Variants in ZNF804B observed in about 807,000 individuals in gnomAD.
ZNF804B encodes zinc finger 804B.
A neutral mutation model predicts 101.4 loss-of-function variants in ZNF804B; 80 were observed. The ratio of observed to expected loss-of-function variants is 0.79; its 90% CI spans 0.66 to 0.95. ZNF804B has a LOEUF of 0.95. ZNF804B is among the 40% of genes least tolerant of loss of function. The pLI is 0.00. For missense variants in ZNF804B, 1,673 were observed against 1,561.9 expected, an observed-to-expected ratio of 1.07 and a Z score of -1.20; for synonymous variants, 622 against 558.8, an observed-to-expected ratio of 1.11 and a Z score of -1.59.
chr7:88,974,992 T>C (rs2116119748), intron 1 of ZNF804B, among the ~76,000 whole-genome samples: 1 of 151,596 alleles, frequency 6.6e-6, no homozygotes, highest in South Asian at 2.1e-4. Flanking sequence ...TCTATTGTTT[T>C]AATTTTTAGC....
intron 2 of ZNF804B, among the ~76,000 whole-genome samples, chr7:89,243,569 G>A (rs10244005): frequency 0.041 from 6,145 of 151,630 alleles, 132 homozygotes; most frequent in Non-Finnish European, 0.049. Flanking sequence ...TCCTTTATCT[G>A]GTAACCCTAC....
At chr7:89,280,285 A>G (rs1368528389) in intron 2 of ZNF804B, among the ~76,000 whole-genome samples, 1 of 151,606 alleles carries the variant, frequency 6.6e-6, no homozygotes, top group Non-Finnish European at 1.5e-5. Flanking sequence ...TTATAGCACT[A>G]AATGTCCACA....
intron 1 of ZNF804B, among the ~76,000 whole-genome samples, chr7:89,166,288 C>A (rs531847473): frequency 2.0e-5 from 3 of 152,084 alleles, no homozygotes; most frequent in African/African-American, 7.2e-5. Flanking sequence ...GCACCAAACC[C>A]CTGCACAGTC....
intron 1 of ZNF804B, among the ~76,000 whole-genome samples, chr7:89,014,805 G>C (rs753758231): frequency 6.6e-6 from 1 of 151,956 alleles, no homozygotes; most frequent in South Asian, 2.1e-4. Context: ...TCATAGGTTG[G>C]CTTTCCACTC....
chr7:88,933,839 A>G (rs1260833929), intron 1 of ZNF804B, among the ~76,000 whole-genome samples: 1 of 152,004 alleles, frequency 6.6e-6, no homozygotes, highest in African/African-American at 2.4e-5. Context: ...CATACTGCCA[A>G]AATCAACCTA....
chr7:89,007,446 T>TTATATACA (rs1554353995), intron 1 of ZNF804B, among the ~76,000 whole-genome samples: 1 of 57,202 alleles, frequency 1.7e-5, no homozygotes, highest in East Asian at 8.0e-4. Context: ...ATCCATGATT[T>TTATATACA]TATATATATA....
chr7:88,805,740 T>C (rs1037409292), intron 1 of ZNF804B, among the ~76,000 whole-genome samples: 1 of 152,168 alleles, frequency 6.6e-6, no homozygotes, highest in African/African-American at 2.4e-5. Context: ...ATGGGAAGTA[T>C]AGGCACCTGT....
intron 1 of ZNF804B, among the ~76,000 whole-genome samples, chr7:89,150,108 G>A (rs1790850578): frequency 6.6e-6 from 1 of 151,936 alleles, no homozygotes; most frequent in Non-Finnish European, 1.5e-5. Context: ...ATGAAATCCT[G>A]CATTGTCCCA....
chr7:89,222,217 C>A (rs945122219), intron 2 of ZNF804B, among the ~76,000 whole-genome samples: 3 of 152,090 alleles, frequency 2.0e-5, no homozygotes, highest in African/African-American at 7.2e-5. Context: ...GCCATCATCA[C>A]TATCTTGGGG....
chr7:89,000,278 T>C (rs1348941061), intron 1 of ZNF804B, among the ~76,000 whole-genome samples: 2 of 151,980 alleles, frequency 1.3e-5, no homozygotes, highest in African/African-American at 4.8e-5. Context: ...AGATGCACTG[T>C]TAGCATTTAT....
intron 1 of ZNF804B, among the ~76,000 whole-genome samples, chr7:89,108,524 T>C (rs575279422): frequency 6.6e-6 from 1 of 152,326 alleles, no homozygotes; most frequent in South Asian, 2.1e-4. Context: ...TCTAGAATGA[T>C]TTCACTCTCT....
At chr7:89,013,304 G>T (rs941826469) in intron 1 of ZNF804B, among the ~76,000 whole-genome samples, 1 of 141,982 alleles carries the variant, frequency 7.0e-6, no homozygotes, top group Admixed American at 7.3e-5. Context: ...ATGAGAATTA[G>T]AAAGCTAGTA....
intron 1 of ZNF804B, among the ~76,000 whole-genome samples, chr7:88,846,132 A>C (rs1213166890): frequency 6.6e-6 from 1 of 152,194 alleles, no homozygotes; most frequent in African/African-American, 2.4e-5. Flanking sequence ...TATGACATTA[A>C]CTTAATAATG....
intron 1 of ZNF804B, among the ~76,000 whole-genome samples, chr7:89,195,774 C>A (rs1788538423): frequency 6.6e-6 from 1 of 151,352 alleles, no homozygotes; most frequent in Admixed American, 6.6e-5. Context: ...AAGCAGAGAG[C>A]CAAATCATGA....
intron 1 of ZNF804B, among the ~76,000 whole-genome samples, chr7:89,208,077 A>G (rs1160160530): frequency 8.6e-6 from 1 of 115,788 alleles, no homozygotes; most frequent in African/African-American, 3.1e-5. Flanking sequence ...TTACTATTTT[A>G]TTGGGTTTTT....
Position 89,337,943 on chromosome 7 carries a change from G to A in ZNF804B, c.*911G>A, listed in dbSNP as rs1277025837. ...TAGAGGTAAAGGTTTGAAAATGTCA[G>A]TGTTTTTACATGTTTATTGAGGATA... On this transcript the variant is annotated 3_prime_UTR_variant, in exon 4 of 4. Transcript: ENST00000333190. Among the ~76,000 whole-genome samples the A allele has an allele frequency of 1.3e-5, 2 of 151,986 alleles. No homozygotes were observed. The highest frequency in any genetic ancestry group is 4.8e-5 in the African/African-American group (2 of 41,408).
intron 2 of ZNF804B, among the ~76,000 whole-genome samples, 165 bp from the exon 3 acceptor site, chr7:89,327,179 A>G (rs1790908643): frequency 6.7e-6 from 1 of 150,002 alleles, no homozygotes; most frequent in Admixed American, 6.6e-5. Flanking sequence ...TATCTGCTAA[A>G]TGTGTCTTGG....
chr7:88,977,845 T>C (rs1793637921), intron 1 of ZNF804B, among the ~76,000 whole-genome samples: 1 of 151,410 alleles, frequency 6.6e-6, no homozygotes, highest in South Asian at 2.1e-4. Context: ...AAGTTTTTTC[T>C]TTTTTTTAAT....
chr7:88,773,114 T>C (rs1207890167), intron 1 of ZNF804B, among the ~76,000 whole-genome samples: 3 of 152,230 alleles, frequency 2.0e-5, no homozygotes, highest in Admixed American at 2.0e-4. Context: ...ATTCCACCTC[T>C]AAGTGTTGAT....
Sources: gnomAD v4.1 joint callset for allele counts (sites outside exome capture counted in the v4.1 genomes callset) on GRCh38, gnomAD v4.1.1 for gene constraint, MANE v1.5 for transcripts, NCBI Gene and HGNC (gene_info 2026-07-23, HGNC 2026-07-21) for gene names.